RGS7: variants seen among roughly 807,000 people sequenced by gnomAD.
RGS7 encodes the protein regulator of G protein signaling 7.
Under a neutral mutation model 81.1 loss-of-function variants are expected in RGS7, and 27 were observed. That is an observed-to-expected ratio of 0.33 (90% CI 0.25 to 0.46). RGS7 has a LOEUF of 0.46. Among genes scored for constraint, RGS7 ranks in the 20% least tolerant of loss-of-function variants. RGS7 has a pLI of 1.00. For synonymous variants in RGS7, 208 were observed against 207.7 expected (o/e 1.00, Z -0.01); for missense variants, 396 against 607.4 (o/e 0.65, Z 3.66).
intron 2 of RGS7, among the ~76,000 whole-genome samples, chr1:241,307,338 G>A (rs2080239415): frequency 6.6e-6 from 1 of 152,174 alleles, no homozygotes; most frequent in African/African-American, 2.4e-5. Context: ...TCTAACAGGA[G>A]TTCAATGTAA....
chr1:240,905,306 T>C (rs895389796), intron 6 of RGS7, among the ~76,000 whole-genome samples: 6 of 152,286 alleles, frequency 3.9e-5, no homozygotes, highest in Admixed American at 6.5e-5. Context: ...ATGTCAAACA[T>C]AATGAAGAAT....
chr1:241,265,295 C>A (rs7532696), intron 2 of RGS7, among the ~76,000 whole-genome samples: 4 of 152,176 alleles, frequency 2.6e-5, no homozygotes, highest in African/African-American at 9.6e-5. Flanking sequence ...CTCCCTCCTT[C>A]AACCAATGGG....
At chr1:241,233,728 A>G (rs956540363) in intron 2 of RGS7, among the ~76,000 whole-genome samples, 2 of 151,726 alleles carry the variant, frequency 1.3e-5, no homozygotes, top group Non-Finnish European at 2.9e-5. Context: ...CAATATACTG[A>G]TGTCATTTCT....
chr1:241,027,036 TAAAAAAAAA>T, intron 3 of RGS7, among the ~76,000 whole-genome samples: 1 of 137,592 alleles, frequency 7.3e-6, no homozygotes, highest in African/African-American at 2.7e-5. Context: ...TACCAGAAAT[TAAAAAAAAA>T]AAAAAAAATT....
In RGS7 at chr1:240,776,232, CAA is replaced by C. The variant is rs1269441177; in HGVS notation, c.*7-21_*7-20del. 4.4e-6 allele frequency: 7 copies of C among 1,589,606 alleles called. No homozygotes were observed. Among genetic ancestry groups the C allele is most frequent in the East Asian group, 2.2e-5 (1 of 44,762 alleles). Reference sequence around the variant, plus strand: ...ATTTCCCCTGAGAAAATATATAAAACAAGAGAAAAGAAAGAAAATCAAGTACG... The same window carrying C: ...ATTTCCCCTGAGAAAATATATAAAACGAGAAAAGAAAGAAAATCAAGTACG... On this transcript the variant is annotated intron_variant, in intron 18 of 18. Coordinates refer to ENST00000440928, the MANE Select transcript of RGS7 (RefSeq NM_001364886.1).
At chr1:240,926,003 C>T (rs1674381658) in intron 6 of RGS7, among the ~76,000 whole-genome samples, 1 of 152,036 alleles carries the variant, frequency 6.6e-6, no homozygotes, top group Admixed American at 6.6e-5. Flanking sequence ...GTTTAAGTTC[C>T]TTATAGATTT....
chr1:240,802,836 G>A (rs989653796), intron 16 of RGS7, 68 bp downstream of exon 16: 5 of 980,676 alleles, frequency 5.1e-6, no homozygotes, highest in African/African-American at 4.8e-5. Context: ...ATTCAGCAGA[G>A]GTAATTACTC....
chr1:240,822,279 C>T (rs577356034), intron 10 of RGS7, among the ~76,000 whole-genome samples: 6 of 152,172 alleles, frequency 3.9e-5, no homozygotes, highest in Admixed American at 1.3e-4. Context: ...AAAAGAAGCG[C>T]TGTCCCACAA....
intron 14 of RGS7, among the ~76,000 whole-genome samples, chr1:240,807,588 C>A (rs578005289): frequency 1.3e-4 from 20 of 152,222 alleles, no homozygotes; most frequent in Non-Finnish European, 2.4e-4. Context: ...GTTTTCATTT[C>A]CAGATTTTGT....
chr1:241,327,135 AAAGAAAGAAAGGAAAG>A (rs2081632283), intron 2 of RGS7, among the ~76,000 whole-genome samples: 2 of 102,946 alleles, frequency 1.9e-5, no homozygotes, highest in Non-Finnish European at 2.3e-5. Context: ...AGAAAGAAAG[AAAGAAAGAAAGGAAAG>A]AAAGAAAGAA....
intron 3 of RGS7, among the ~76,000 whole-genome samples, chr1:241,017,260 G>A (rs569158763): frequency 2.4e-4 from 36 of 152,106 alleles, no homozygotes; most frequent in African/African-American, 4.8e-4. Context: ...TGGTCAACAC[G>A]GTGAAACCCC....
rs149585082 is a variant in RGS7 at position 240,859,225 on chromosome 1, A to C, written c.609+9362T>G. ...GTGTTGCCCAGACTGGTCTTGAACAACTGGGCTCAACTGATCCTCCTGTCT... is the reference window on the plus strand; with the variant it reads ...GTGTTGCCCAGACTGGTCTTGAACACCTGGGCTCAACTGATCCTCCTGTCT... On this transcript the variant is annotated intron_variant, in intron 9 of 18. Transcript: ENST00000440928. Among the ~76,000 whole-genome samples, 1,376 of 152,148 alleles carry C rather than the reference A, an allele frequency of 9.0e-3. 27 individuals carry two copies. The highest frequency in any genetic ancestry group is 0.032 in the African/African-American group (1,310 of 41,516).
At chr1:241,107,391 C>T (rs571519980) in intron 2 of RGS7, among the ~76,000 whole-genome samples, 13 of 152,318 alleles carry the variant, frequency 8.5e-5, no homozygotes, top group African/African-American at 2.9e-4. Flanking sequence ...TCTCCGATTA[C>T]AGATTACAGT....
chr1:241,027,844 T>C (rs1434632688), intron 3 of RGS7, among the ~76,000 whole-genome samples: 3 of 152,110 alleles, frequency 2.0e-5, no homozygotes, highest in Non-Finnish European at 4.4e-5. Flanking sequence ...AAATGTCTAG[T>C]GTGTAGGAGA....
chr1:240,983,575 C>A (rs569317677), intron 3 of RGS7, among the ~76,000 whole-genome samples: 6 of 152,158 alleles, frequency 3.9e-5, no homozygotes, highest in South Asian at 2.1e-4. Flanking sequence ...AACCCTCTTA[C>A]GTATTTCAAG....
chr1:241,048,896 G>A (rs971819909), intron 3 of RGS7, among the ~76,000 whole-genome samples: 1 of 152,144 alleles, frequency 6.6e-6, no homozygotes, highest in Non-Finnish European at 1.5e-5. Context: ...ATCTGCAAGG[G>A]CGATCTCCCT....
chr1:241,106,770 A>ACACACACACACACACACACACACACC (rs1439413513), intron 2 of RGS7, among the ~76,000 whole-genome samples: 2 of 149,400 alleles, frequency 1.3e-5, no homozygotes, highest in South Asian at 2.1e-4. Context: ...ACACACACAC[A>ACACACACACACACACACACACACACC]CACACACACA....
chr1:241,248,368 G>A (rs564465557), intron 2 of RGS7, among the ~76,000 whole-genome samples: 30 of 145,836 alleles, frequency 2.1e-4, no homozygotes, highest in Admixed American at 3.4e-4. Flanking sequence ...ATATATATAC[G>A]TATATATATG....
intron 3 of RGS7, among the ~76,000 whole-genome samples, chr1:241,001,201 A>C (rs923537410): frequency 3.3e-5 from 5 of 152,230 alleles, no homozygotes; most frequent in Admixed American, 1.3e-4. Context: ...GAAAGTGAAT[A>C]GTACAGGACC....
Sources: allele counts gnomAD v4.1 joint callset (sites outside exome capture counted in the v4.1 genomes callset), GRCh38; gene constraint gnomAD v4.1.1; transcripts MANE v1.5; gene names NCBI Gene and HGNC (gene_info 2026-07-23, HGNC 2026-07-21).